Variants in CASD1 observed in about 807,000 individuals in gnomAD.
CASD1 encodes the protein CAS1 domain sialic acid O acetyltransferase 1, also known as N-acetylneuraminate (7)9-O-acetyltransferase.
CASD1 carries 41 observed loss-of-function variants against 100.0 expected under a neutral mutation model. That is an observed-to-expected ratio of 0.41 (90% confidence interval 0.32 to 0.53). The LOEUF is 0.53. Among genes scored for constraint, CASD1 ranks in the 20% least tolerant of loss-of-function variants. CASD1 has a pLI of 0.25. For missense variants in CASD1, 774 were observed against 948.7 expected (o/e 0.82, Z 2.42); for synonymous variants, 321 against 315.6 (o/e 1.02, Z -0.18).
chr7:94,526,111 A>G (rs931491867), intron 3 of CASD1, among the ~76,000 whole-genome samples: 3 of 152,180 alleles, frequency 2.0e-5, no homozygotes, highest in Non-Finnish European at 2.9e-5. Flanking sequence ...CATTCCTGTC[A>G]CTCAGGGCCT....
intron 3 of CASD1, among the ~76,000 whole-genome samples, chr7:94,520,504 G>A (rs781661727): frequency 1.3e-5 from 2 of 152,136 alleles, no homozygotes; most frequent in African/African-American, 4.8e-5. Context: ...GCTAGATATC[G>A]TATCTCCCTC....
chr7:94,564,000 T>C, the CASD1 span, among the ~76,000 whole-genome samples: 1 of 152,212 alleles, frequency 6.6e-6, no homozygotes. Flanking sequence ...TTTATGAGCA[T>C]GATGTCCTCA....
chr7:94,605,910 C>T, the CASD1 span, among the ~76,000 whole-genome samples: 1 of 151,962 alleles, frequency 6.6e-6, no homozygotes, highest in South Asian at 2.1e-4. Flanking sequence ...CTCACTGCAA[C>T]CTCTGCCTCC....
rs202237133 is a variant in CASD1 at position 94,528,179 on chromosome 7, C to A, written c.397-9C>A. On this transcript the variant is annotated splice_polypyrimidine_tract_variant and intron_variant, in intron 4 of 17. Coordinates refer to ENST00000297273, the MANE Select transcript of CASD1 (RefSeq NM_022900.5). ...AACTTTTTCTTTACTTCTAACATTT[C>A]TCTTTTAGGATTTTCTGTGGCATCC... 2.7e-5 allele frequency: 43 copies of A among 1,590,264 alleles called. No individual in the cohort carries two copies. Among genetic ancestry groups the A allele is most frequent in the Admixed American group, 3.4e-5 (2 of 58,306 alleles).
the CASD1 span, among the ~76,000 whole-genome samples, chr7:94,577,750 A>G: frequency 3.9e-5 from 6 of 152,194 alleles, no homozygotes; most frequent in African/African-American, 1.2e-4. Context: ...GCAGCTGGAA[A>G]GTTTATAAAT....
At chr7:94,565,071 C>T in the CASD1 span, among the ~76,000 whole-genome samples, 2 of 152,064 alleles carry the variant, frequency 1.3e-5, no homozygotes, top group Non-Finnish European at 1.5e-5. Flanking sequence ...CGCTGCCCAT[C>T]TATTTTTCCC....
intron 14 of CASD1, 62 bp downstream of exon 14, chr7:94,549,696 AT>A: frequency 7.8e-7 from 1 of 1,274,980 alleles, no homozygotes. Context: ...ATGATTGGAA[AT>A]TTTTGATCTA....
chr7:94,552,462 A>T (rs1018158488), intron 16 of CASD1, 35 bp downstream of exon 16: 3 of 1,488,154 alleles, frequency 2.0e-6, no homozygotes, highest in Admixed American at 4.3e-5. Context: ...TCTACATCTT[A>T]ATTCTTGATA....
chr7:94,570,845 A>G, the CASD1 span, among the ~76,000 whole-genome samples: 1 of 152,270 alleles, frequency 6.6e-6, no homozygotes, highest in African/African-American at 2.4e-5. Context: ...ATATAAAGCA[A>G]AATTACAATA....
At position 94,510,233 on chromosome 7, in the gene CASD1, C is replaced by G; in HGVS notation, c.133+16C>G. The G allele has an allele frequency of 6.8e-7, 1 of 1,470,314 alleles. No individual in the cohort carries two copies. Among genetic ancestry groups the G allele is most frequent in the African/African-American group, 1.5e-5 (1 of 67,872 alleles). The allele number at this position is 1,470,314 out of a possible 1,614,324, so 91.1% of individuals were successfully genotyped here. On this transcript the variant is annotated intron_variant, in intron 1 of 17. Coordinates refer to ENST00000297273, the MANE Select transcript of CASD1 (RefSeq NM_022900.5). ...CGCTACCGAGGTGAGCGGGCCCTCC[C>G]CTCTGCCCGGGCAGGCCGTGGGGGA...
At chr7:94,544,122 C>T (rs1400940371) in intron 10 of CASD1, among the ~76,000 whole-genome samples, 1 of 152,114 alleles carries the variant, frequency 6.6e-6, no homozygotes, top group Non-Finnish European at 1.5e-5. Context: ...TCATCCTTCA[C>T]AAGAACCCTT....
the CASD1 span, among the ~76,000 whole-genome samples, chr7:94,591,618 G>A: frequency 7.6e-6 from 1 of 131,936 alleles, no homozygotes; most frequent in Admixed American, 7.8e-5. Flanking sequence ...TGAGGTAGTT[G>A]GATGCCCCCC....
chr7:94,525,742 T>C (rs1397651314), intron 3 of CASD1, among the ~76,000 whole-genome samples: 3 of 152,164 alleles, frequency 2.0e-5, no homozygotes, highest in African/African-American at 7.2e-5. Context: ...TTCACTGAAC[T>C]AATAGTCTCG....
At chr7:94,559,549 G>A (rs1012424320), downstream of CASD1, among the ~76,000 whole-genome samples, 3 of 151,860 alleles carry the variant, frequency 2.0e-5, no homozygotes, top group African/African-American at 7.3e-5. Flanking sequence ...GTTTTGAGAG[G>A]CAGTCTCGCT....
Position 94,537,550 on chromosome 7 carries a change from C to T in CASD1, c.922C>T (p.Pro308Ser). 2 of 1,613,902 alleles carry T rather than the reference C, an allele frequency of 1.2e-6. No homozygotes were observed. The highest frequency in any genetic ancestry group is 2.2e-5 in the East Asian group (1 of 44,860). The part of the protein sequence containing the change: ...VDGSCCQPRP[P>S]VTLIQKLAAC... ...TGGGTCCTGTTGTCAACCTCGGCCT[C>T]CTGTTACTCTCATACAGAAGCTAGC... The change falls in exon 9 of 18, where the codon CCT (proline) becomes TCT (serine). Residue 308 changes from proline (P) to serine (S), a missense_variant. Physicochemically the swap from Pro to Ser is moderately conservative, Grantham distance 74. Coordinates refer to ENST00000297273, the MANE Select transcript of CASD1 (RefSeq NM_022900.5).
chr7:94,520,813 C>A (rs1187833931), intron 3 of CASD1, among the ~76,000 whole-genome samples: 1 of 151,716 alleles, frequency 6.6e-6, no homozygotes, highest in East Asian at 1.9e-4. Flanking sequence ...AAAATAAGGC[C>A]GGGTGTGGTG....
the CASD1 span, among the ~76,000 whole-genome samples, chr7:94,570,632 C>G: frequency 6.6e-6 from 1 of 152,032 alleles, no homozygotes; most frequent in Non-Finnish European, 1.5e-5. Context: ...GTAGCTGGGA[C>G]TACAGACGTG....
intron 6 of CASD1, 26 bp from the exon 7 acceptor site, chr7:94,533,653 A>C (rs1453825288): frequency 1.3e-6 from 2 of 1,553,790 alleles, no homozygotes; most frequent in East Asian, 4.6e-5. Flanking sequence ...ATACTAAATT[A>C]ATGCATAATT....
the CASD1 span, among the ~76,000 whole-genome samples, chr7:94,565,581 A>G: frequency 6.6e-6 from 1 of 152,300 alleles, no homozygotes; most frequent in African/African-American, 2.4e-5. Flanking sequence ...TGCCTCAATT[A>G]TCACATTAGT....
Sources: allele counts gnomAD v4.1 joint callset (sites outside exome capture counted in the v4.1 genomes callset), GRCh38; gene constraint gnomAD v4.1.1; transcripts MANE v1.5; gene names NCBI Gene and HGNC (gene_info 2026-07-23, HGNC 2026-07-21).